Variants in NLRP12 observed in about 807,000 individuals in gnomAD.
NLRP12 encodes NLR family pyrin domain containing 12.
A neutral mutation model predicts 91.2 loss-of-function variants in NLRP12; 108 were observed. That is an observed-to-expected ratio of 1.18 (90% confidence interval 1.01 to 1.39). The LOEUF (loss-of-function observed/expected upper bound fraction) is 1.39. Ranked by LOEUF, NLRP12 falls within the 40% of genes most tolerant of loss-of-function variation. NLRP12 has a pLI of 0.00. For synonymous variants in NLRP12, 613 were observed against 566.7 expected (o/e 1.08, Z -1.16); for missense variants, 1,530 against 1,352.7 (o/e 1.13, Z -2.06).
chr19:53,809,645 C>A lies in NLRP12; in HGVS notation c.2014G>T (p.Ala672Ser). 1 of 1,613,810 alleles carries A rather than the reference C, an allele frequency of 6.2e-7. No individual in the cohort carries two copies. The highest frequency in any genetic ancestry group is 1.1e-5 in the South Asian group (1 of 91,084). Residue 672 changes from alanine (A) to serine (S), a missense_variant, in exon 3 of 10, where the codon GCG becomes TCG. Ala to Ser is a moderately conservative substitution (Grantham distance 99). Transcript: ENST00000324134. ...VLHLYGATYS[A>S]DGEDRARCSA... Reference sequence around the variant, plus strand: ...CACCTCGCGCGGTCTTCCCCGTCCGCGCTGTAGGTGGCGCCATACAAGTGC... The same window carrying A: ...CACCTCGCGCGGTCTTCCCCGTCCGAGCTGTAGGTGGCGCCATACAAGTGC...
rs548934259 is a variant in NLRP12, at chr19:53,795,225, C to CACT, written c.3098+631_3098+633dup. On this transcript the variant is annotated intron_variant, in intron 9 of 9. Coordinates refer to ENST00000324134, the MANE Select transcript of NLRP12 (RefSeq NM_144687.4). ...CACCCAGCCTAAACTTTGATTGCAT[C>CACT]ACTGCACTCCAGCCTGGGCCACAGC... Among the ~76,000 whole-genome samples the CACT allele has an allele frequency of 3.2e-4, 49 of 150,938 alleles. No individual in the cohort carries two copies. The East Asian group carries it at 9.3e-3, about 29-fold the overall frequency.
intron 2 of NLRP12, among the ~76,000 whole-genome samples, chr19:53,813,935 T>G (rs2092119080): frequency 6.6e-6 from 1 of 151,826 alleles, no homozygotes; most frequent in South Asian, 2.1e-4. Flanking sequence ...CCTCCCAAAG[T>G]GCAGGGATTA....
At chr19:53,822,504 G>A (rs1052617834) in intron 1 of NLRP12, among the ~76,000 whole-genome samples, 3 of 151,952 alleles carry the variant, frequency 2.0e-5, no homozygotes, top group African/African-American at 2.4e-5. Flanking sequence ...AGGCTGAGGT[G>A]GGTGGATCAC....
At chr19:53,798,142 T>C in intron 8 of NLRP12, 101 bp downstream of exon 8, 2 of 1,257,936 alleles carry the variant, frequency 1.6e-6, no homozygotes, top group Admixed American at 1.7e-5. Flanking sequence ...GAATCTTTTG[T>C]AGTGAAGCAG....
In NLRP12 at chr19:53,810,130, T is replaced by C. The variant is rs2092040314; in HGVS notation, c.1529A>G (p.Tyr510Cys). 1 of 1,614,044 alleles carries C rather than the reference T, an allele frequency of 6.2e-7. No individual in the cohort carries two copies. The stretch of plus-strand genomic sequence containing the variant: ...CTGGAAACTCAAGTGGATGAAGCTG[T>C]AGTACCTCTCACAGTTGATGTCCTT... ...FQKDINCERY[Y>C]SFIHLSFQEF... The change falls in exon 3 of 10, where the codon TAC becomes TGC. Residue 510 changes from tyrosine to cysteine, a missense_variant. Tyr to Cys is a radical substitution (Grantham distance 194). Coordinates refer to ENST00000324134, the MANE Select transcript of NLRP12 (RefSeq NM_144687.4).
Position 53,819,660 on chromosome 19 carries a change from CATGTATACATATATGT to C in NLRP12, c.289+4210_289+4225del, listed in dbSNP as rs1387418796. ...ATGTATGTATACGTATATATATACA[CATGTATACATATATGT>C]ATGTATACATATATATACACACACA... On this transcript the variant is annotated intron_variant, in intron 1 of 9. Transcript: ENST00000324134. Among the ~76,000 whole-genome samples the C allele has an allele frequency of 1.4e-4, 3 of 21,154 alleles. 1 individual carries two copies. Among genetic ancestry groups the C allele is most frequent in the Non-Finnish European group, 3.1e-4 (3 of 9,536 alleles). 13.9% of individuals were successfully genotyped at this position (21,154 alleles called of 152,430 possible). A position where few individuals can be genotyped will look rare whatever the true frequency, so the allele number is the denominator to read the frequency against.
In NLRP12 at chr19:53,807,518, G is replaced by C; in HGVS notation, c.2220C>G (p.Pro740=). ...ACCTCAGGTTCTGAAGTTTGCAGTTGGGGTGTCTGAGTCCTTGACAGAGCA... is the reference window on the plus strand; with the variant it reads ...ACCTCAGGTTCTGAAGTTTGCAGTTCGGGTGTCTGAGTCCTTGACAGAGCA... ...VKLLCQGLRH[P]NCKLQNLRLK... Residue 740 remains proline, a synonymous_variant, in exon 4 of 10, where the codon CCC becomes CCG. Transcript: ENST00000324134. 6.2e-7 allele frequency: 1 copy of C among 1,614,030 alleles called. No homozygotes were observed. Among genetic ancestry groups the C allele is most frequent in the Admixed American group, 1.7e-5 (1 of 59,962 alleles).
chr19:53,797,581 GTTAA>G (rs1193335371), intron 8 of NLRP12, among the ~76,000 whole-genome samples: 1 of 151,730 alleles, frequency 6.6e-6, no homozygotes, highest in Non-Finnish European at 1.5e-5. Context: ...ACCACACTGG[GTTAA>G]TTTTTGTATT....
intron 1 of NLRP12, 51 bp downstream of exon 1, chr19:53,823,835 T>A: frequency 5.6e-6 from 9 of 1,605,898 alleles, no homozygotes; most frequent in South Asian, 1.1e-5. Flanking sequence ...CAGGTATGAG[T>A]CACTGGACCC....
chr19:53,822,677 C>T (rs1010030728), intron 1 of NLRP12, among the ~76,000 whole-genome samples: 63 of 145,624 alleles, frequency 4.3e-4, no homozygotes, highest in African/African-American at 1.4e-3. Context: ...ACGGAGGTTG[C>T]AGTGAGCGGA....
intron 5 of NLRP12, 143 bp from the exon 6 acceptor site, chr19:53,804,265 T>TC: frequency 1.1e-6 from 1 of 927,410 alleles, no homozygotes; most frequent in Non-Finnish European, 1.7e-6. Flanking sequence ...TGATATCAAC[T>TC]CGCTGAAGCC....
intron 7 of NLRP12, among the ~76,000 whole-genome samples, chr19:53,800,188 C>T (rs1451098416): frequency 6.6e-6 from 1 of 151,982 alleles, no homozygotes; most frequent in Non-Finnish European, 1.5e-5. Context: ...ACCTTTAGTC[C>T]CAGCTACTCG....
Position 53,805,426 on chromosome 19 carries a change from G to C in NLRP12, c.2268C>G (p.Ser756Arg), listed in dbSNP as rs2091942827. 5 of 1,614,070 alleles carry C rather than the reference G, an allele frequency of 3.1e-6. No homozygotes were observed. The highest frequency in any genetic ancestry group is 4.2e-6 in the Non-Finnish European group (5 of 1,180,010). ...NLRLKRCRIS[S>R]SACEDLSAAL... ...CTGCAGAGAGGTCCTCGCAGGCTGAGCTGGAGATGCGGCACCTCTTCAGCC... is the reference window on the plus strand; with the variant it reads ...CTGCAGAGAGGTCCTCGCAGGCTGACCTGGAGATGCGGCACCTCTTCAGCC... Residue 756 changes from serine to arginine, a missense_variant, in exon 5 of 10, where the codon AGC becomes AGG. Transcript: ENST00000324134.
chr19:53,814,823 T>A, intron 2 of NLRP12, 85 bp downstream of exon 2: 1 of 1,052,680 alleles, frequency 9.5e-7, no homozygotes, highest in Non-Finnish European at 1.5e-6. Context: ...AATTCCTCAA[T>A]CACGCGTTTG....
intron 5 of NLRP12, 107 bp from the exon 6 acceptor site, chr19:53,804,229 G>C: frequency 7.8e-7 from 1 of 1,274,580 alleles, no homozygotes; most frequent in Non-Finnish European, 1.1e-6. Context: ...TTGTTGCTCT[G>C]TCACCCAGGG....
intron 1 of NLRP12, among the ~76,000 whole-genome samples, chr19:53,816,563 C>A (rs987492064): frequency 6.6e-6 from 1 of 152,016 alleles, no homozygotes; most frequent in Non-Finnish European, 1.5e-5. Context: ...GCTCTGTCGC[C>A]CAGGCTGGAG....
At chr19:53,815,713 A>T (rs2092148261) in intron 1 of NLRP12, among the ~76,000 whole-genome samples, 1 of 151,944 alleles carries the variant, frequency 6.6e-6, no homozygotes, top group Admixed American at 6.6e-5. Context: ...GGTTCAAGTG[A>T]TTCTCCTGCC....
intron 6 of NLRP12, among the ~76,000 whole-genome samples, 185 bp from the exon 7 acceptor site, chr19:53,801,582 C>T (rs374173566): frequency 2.0e-5 from 3 of 150,396 alleles, no homozygotes; most frequent in Non-Finnish European, 3.0e-5. Flanking sequence ...CCTCCTGAAT[C>T]GCTGGGACTA....
chr19:53,803,756 TAG>T, intron 6 of NLRP12, 194 bp downstream of exon 6: 1 of 597,054 alleles, frequency 1.7e-6, no homozygotes, highest in Non-Finnish European at 3.1e-6. Context: ...GTATCTTTAG[TAG>T]AGAGGGGGTT....
Sources: gnomAD v4.1 joint callset for allele counts (sites outside exome capture counted in the v4.1 genomes callset) on GRCh38, gnomAD v4.1.1 for gene constraint, MANE v1.5 for transcripts, NCBI Gene and HGNC (gene_info 2026-07-23, HGNC 2026-07-21) for gene names.